The following CCDC33 variants were observed in gnomAD, a reference collection of about 807,000 sequenced individuals.
The protein encoded by CCDC33 is coiled-coil domain containing 33.
CCDC33 carries 94 observed loss-of-function variants against 91.9 expected under a neutral mutation model. The observed-to-expected ratio is 1.02, with a 90% CI of 0.87 to 1.21. The LOEUF is 1.21. Ranked by LOEUF, CCDC33 falls within the 50% of genes most tolerant of loss-of-function variation. The pLI is 0.00. For synonymous variants in CCDC33, 396 were observed against 374.5 expected (o/e 1.06, Z -0.66); for missense variants, 940 against 935.5 (o/e 1.00, Z -0.06).
chr15:74,230,259 G>T (rs1279546342), intron 2 of CCDC33, among the ~76,000 whole-genome samples: 1 of 152,068 alleles, frequency 6.6e-6, no homozygotes, highest in Non-Finnish European at 1.5e-5. Context: ...TGGGGTGAGG[G>T]GACACAGGTT....
intron 11 of CCDC33, among the ~76,000 whole-genome samples, chr15:74,317,156 G>A (rs935248090): frequency 1.1e-4 from 16 of 152,160 alleles, no homozygotes; most frequent in Middle Eastern, 3.2e-3. Flanking sequence ...TCAGGAGATC[G>A]AGAGCATCCT....
At chr15:74,223,748 ACACACACACACACACACGCAAGCATG>A (rs1259603584) in intron 2 of CCDC33, among the ~76,000 whole-genome samples, 2 of 102,664 alleles carry the variant, frequency 1.9e-5, no homozygotes, top group African/African-American at 7.6e-5. Flanking sequence ...ACACACACAC[ACACACACACACACACACGCAAGCATG>A]CACACACACA....
At chr15:74,266,589 A>G in intron 3 of CCDC33, 89 bp from the exon 4 acceptor site, 1 of 925,940 alleles carries the variant, frequency 1.1e-6, no homozygotes. Context: ...TACTCTCAAC[A>G]ATGTCTCTCA....
chr15:74,335,833 C>G (rs1043077993), intron 18 of CCDC33, 92 bp from the exon 19 acceptor site: 3 of 981,374 alleles, frequency 3.1e-6, no homozygotes, highest in Non-Finnish European at 4.7e-6. Context: ...ATTCTGGATA[C>G]TCTGAGGCCT....
downstream of CCDC33, chr15:74,336,295 G>A (rs765577556): frequency 4.3e-6 from 6 of 1,407,590 alleles, no homozygotes; most frequent in Middle Eastern, 9.3e-4. Context: ...GGGCCACAGT[G>A]GACCCAGGAG....
upstream of CCDC33, among the ~76,000 whole-genome samples, chr15:74,215,028 G>C (rs994923682): frequency 6.6e-6 from 1 of 152,164 alleles, no homozygotes; most frequent in African/African-American, 2.4e-5. Context: ...GACTTGTGTG[G>C]GCAAGTCATC....
Position 74,223,111 on chromosome 15 carries a change from C to T in CCDC33, c.675+4250C>T, listed in dbSNP as rs188191286. 4.0e-4 allele frequency among the ~76,000 whole-genome samples: 61 copies of T among 152,180 alleles called. No individual in the cohort carries two copies. In the East Asian group the frequency reaches 0.01, roughly 26 times the overall value. On this transcript the variant is annotated intron_variant, in intron 2 of 2. Transcript: ENST00000635913. ...GGGGTGTGAGTGGGGGCTGGCGTGG[C>T]TGGGGAACTGGGCACCTCTTCGTTC...
At chr15:74,318,317 G>A (rs1209174400) in intron 11 of CCDC33, among the ~76,000 whole-genome samples, 1 of 152,144 alleles carries the variant, frequency 6.6e-6, no homozygotes, top group African/African-American at 2.4e-5. Flanking sequence ...GGGACTCTGA[G>A]CCTGGGCCAG....
intron 2 of CCDC33, among the ~76,000 whole-genome samples, chr15:74,229,002 C>A (rs573145733): frequency 1.6e-4 from 25 of 152,194 alleles, no homozygotes; most frequent in African/African-American, 4.8e-4. Flanking sequence ...AATTGGAGCC[C>A]CTCGGACTTG....
rs761152915 is a variant in CCDC33, at chr15:74,331,073, G to C, written c.1638G>C (p.Lys546Asn). ...LLKQYQGKLQ[K>N]MKALEETVRH... is the part of the protein sequence containing the mutation. ...AGCAGTACCAGGGCAAGCTGCAGAA[G>C]ATGAAGGCGCTGGAGGAGACTGTGC... is the stretch of plus-strand genomic sequence containing the variant. Residue 546 changes from lysine to asparagine, a missense_variant, in exon 14 of 19, where the codon AAG becomes AAC. Physicochemically the swap from Lys to Asn is moderately conservative, Grantham distance 94 (BLOSUM62 0). Coordinates refer to ENST00000398814, the MANE Select transcript of CCDC33 (RefSeq NM_025055.5). The C allele has an allele frequency of 1.1e-5, 17 of 1,613,608 alleles. No individual in the cohort carries two copies. Among genetic ancestry groups the C allele is most frequent in the Middle Eastern group, 1.6e-4 (1 of 6,082 alleles).
At chr15:74,209,423 A>T in exon 2 of CCDC33, 1 of 1,535,606 alleles carries the variant, frequency 6.5e-7, no homozygotes, top group Non-Finnish European at 8.7e-7. Flanking sequence ...GAGGGGAACC[A>T]CCAGCTCGGC....
intron 11 of CCDC33, among the ~76,000 whole-genome samples, chr15:74,315,210 C>A (rs529474791): frequency 6.6e-6 from 1 of 152,178 alleles, no homozygotes; most frequent in Non-Finnish European, 1.5e-5. Flanking sequence ...GCTCGAGTTG[C>A]GGGGAGGCCT....
upstream of CCDC33, among the ~76,000 whole-genome samples, chr15:74,214,377 C>T (rs2074394665): frequency 6.6e-6 from 1 of 152,166 alleles, no homozygotes; most frequent in African/African-American, 2.4e-5. Flanking sequence ...CCCCAGCCCA[C>T]ATCCCTTACC....
chr15:74,217,449 G>T (rs921543160), exon 1 of CCDC33: 2 of 1,289,834 alleles, frequency 1.6e-6, no homozygotes, highest in Admixed American at 4.6e-5. Context: ...CTCTGGGGCT[G>T]GGGTGCAGTT....
At chr15:74,235,795 T>A (rs139604327), upstream of CCDC33, among the ~76,000 whole-genome samples, 1,089 of 152,358 alleles carry the variant, frequency 7.1e-3, 12 homozygotes, top group Middle Eastern at 0.075. Flanking sequence ...TTTCTTTAAT[T>A]GTTTAATTAT....
At chr15:74,221,214 T>TG (rs2074583402) in intron 2 of CCDC33, 1 of 932,666 alleles carries the variant, frequency 1.1e-6, no homozygotes, top group South Asian at 5.1e-5. Flanking sequence ...TGTGTGGCAC[T>TG]GGTTTTTTTT....
intron 16 of CCDC33, chr15:74,333,397 C>T (rs1292167033): frequency 1.5e-5 from 16 of 1,066,948 alleles, no homozygotes; most frequent in African/African-American, 1.6e-5. Context: ...CCTTGCTTTA[C>T]ATAAACCCCA....
At chr15:74,249,688 C>T (rs1200427407) in intron 2 of CCDC33, among the ~76,000 whole-genome samples, 1 of 152,180 alleles carries the variant, frequency 6.6e-6, no homozygotes, top group East Asian at 1.9e-4. Flanking sequence ...GGGGAGAGAC[C>T]CGTGCACTAG....
chr15:74,249,474 C>T lies in CCDC33; in HGVS notation c.185+5326C>T, dbSNP rs184331324. ...CTGCACTCCAGCCTGGGTGACAGAG[C>T]GAGGCTCCGTCTAAAAAAAATAATA... On this transcript the variant is annotated intron_variant, in intron 2 of 18. Coordinates refer to ENST00000398814, the MANE Select transcript of CCDC33 (RefSeq NM_025055.5). 7.3e-3 allele frequency among the ~76,000 whole-genome samples: 1,085 copies of T among 149,276 alleles called. 12 individuals are homozygous for T. The Middle Eastern group carries it at 0.075, about 10-fold the overall frequency.
Sources: gnomAD v4.1 joint callset for allele counts (sites outside exome capture counted in the v4.1 genomes callset) on GRCh38, gnomAD v4.1.1 for gene constraint, MANE v1.5 for transcripts, NCBI Gene and HGNC (gene_info 2026-07-23, HGNC 2026-07-21) for gene names.